SNTG2: variants seen among roughly 807,000 people sequenced by gnomAD.
SNTG2 encodes the protein syntrophin gamma 2, also known as gamma-2-syntrophin.
Under a neutral mutation model 70.9 loss-of-function variants are expected in SNTG2, and 74 were observed. The observed-to-expected ratio is 1.04, with a 90% CI of 0.86 to 1.27. The LOEUF is 1.27. Ranked by LOEUF, SNTG2 falls within the 50% of genes most tolerant of loss-of-function variation. The pLI is 0.00. For missense variants in SNTG2, 717 were observed against 690.7 expected (o/e 1.04, Z -0.43); for synonymous variants, 278 against 273.8 (o/e 1.02, Z -0.15).
At chr2:1,229,117 A>C (rs946011863) in intron 9 of SNTG2, among the ~76,000 whole-genome samples, 13 of 152,042 alleles carry the variant, frequency 8.6e-5, no homozygotes, top group African/African-American at 2.7e-4. Context: ...CAAAAGAACA[A>C]AGCTTCCACA....
intron 1 of SNTG2, among the ~76,000 whole-genome samples, chr2:1,052,057 T>TA (rs34751457): frequency 0.12 from 18,910 of 152,192 alleles, 1,353 homozygotes; most frequent in African/African-American, 0.19. Context: ...GGATTTTTTT[T>TA]ATTTATATTC....
chr2:961,270 G>A (rs558635854), intron 1 of SNTG2, among the ~76,000 whole-genome samples: 4 of 152,082 alleles, frequency 2.6e-5, no homozygotes, highest in African/African-American at 9.7e-5. Context: ...GCAGTGGCAC[G>A]ATCTTGGCTC....
chr2:1,313,494 T>C (rs1681113874), intron 15 of SNTG2, among the ~76,000 whole-genome samples: 1 of 152,250 alleles, frequency 6.6e-6, no homozygotes, highest in Non-Finnish European at 1.5e-5. Flanking sequence ...AATTGCGCTT[T>C]GGAGAAGGGC....
chr2:986,170 G>T (rs980701295), intron 1 of SNTG2, among the ~76,000 whole-genome samples: 9 of 151,748 alleles, frequency 5.9e-5, no homozygotes, highest in African/African-American at 2.2e-4. Context: ...TGCATGGGGG[G>T]CTGGGGAAGC....
Position 1,317,186 on chromosome 2 carries a change from G to A in SNTG2, c.1488+811G>A, listed in dbSNP as rs1358622289. Among the ~76,000 whole-genome samples the A allele has an allele frequency of 7.6e-5, 7 of 91,778 alleles. 1 individual carries two copies. Among genetic ancestry groups the A allele is most frequent in the Admixed American group, 5.8e-4 (5 of 8,558 alleles). The allele number at this position is 91,778 out of a possible 152,430, so 60.2% of individuals were successfully genotyped here. A position where few individuals can be genotyped will look rare whatever the true frequency, so the allele number is the denominator to read the frequency against. ...GGGATTCTGGAACATTTAGCATGAG[G>A]CCAGCATTGGAGAAGGTTGGGATTC... On this transcript the variant is annotated intron_variant, in intron 16 of 16. Transcript: ENST00000308624.
At chr2:1,098,506 T>C in intron 4 of SNTG2, 96 bp downstream of exon 4, 2 of 1,292,832 alleles carry the variant, frequency 1.5e-6, no homozygotes, top group African/African-American at 1.5e-5. Context: ...TGTGTTTTGC[T>C]CGATTACCTA....
At chr2:1,219,651 CT>C (rs1219494588) in intron 9 of SNTG2, among the ~76,000 whole-genome samples, 4 of 116,502 alleles carry the variant, frequency 3.4e-5, no homozygotes, top group Admixed American at 1.0e-4. Flanking sequence ...AATTGACTTT[CT>C]TTTTTTTTTC....
chr2:1,045,439 T>C (rs554560468), intron 1 of SNTG2, among the ~76,000 whole-genome samples: 2 of 152,236 alleles, frequency 1.3e-5, no homozygotes, highest in Admixed American at 1.3e-4. Context: ...GCTTGTTTGC[T>C]CTTTCTTTTT....
At chr2:1,366,238 T>G (rs1490281888) in intron 16 of SNTG2, among the ~76,000 whole-genome samples, 12 of 152,172 alleles carry the variant, frequency 7.9e-5, no homozygotes, top group Admixed American at 7.9e-4. Context: ...AAAGACAACA[T>G]TAGAAGAATG....
intron 4 of SNTG2, among the ~76,000 whole-genome samples, chr2:1,137,361 A>T (rs555098500): frequency 6.7e-6 from 1 of 149,524 alleles, no homozygotes; most frequent in East Asian, 2.0e-4. Flanking sequence ...ACACACAGGC[A>T]TGCACATATC....
At chr2:1,307,857 G>A (rs1680773966) in intron 14 of SNTG2, among the ~76,000 whole-genome samples, 1 of 152,250 alleles carries the variant, frequency 6.6e-6, no homozygotes, top group East Asian at 1.9e-4. Flanking sequence ...CCCAACCCGG[G>A]CTTCCCCTCA....
At chr2:1,199,410 T>C (rs1673142707) in intron 8 of SNTG2, among the ~76,000 whole-genome samples, 1 of 151,992 alleles carries the variant, frequency 6.6e-6, no homozygotes, top group African/African-American at 2.4e-5. Flanking sequence ...CCATGACTAG[T>C]ATTGTAGTGA....
intron 12 of SNTG2, among the ~76,000 whole-genome samples, chr2:1,255,521 G>C (rs28557002): frequency 0.21 from 31,711 of 152,008 alleles, 4,511 homozygotes; most frequent in African/African-American, 0.4. Flanking sequence ...TGGGAGTCAT[G>C]ATGGATACAT....
chr2:1,367,348 C>T lies in SNTG2; in HGVS notation c.1494C>T (p.Leu498=). 3 of 1,533,764 alleles carry T rather than the reference C, an allele frequency of 2.0e-6. No individual in the cohort carries two copies. The highest frequency in any genetic ancestry group is 2.6e-6 in the Non-Finnish European group (3 of 1,140,602). The part of the protein sequence containing the change: ...LDTKQIETKE[L]EFQDLRAVLH... Reference sequence around the variant, plus strand: ...GATCTGATTTTCTCCTCCAGGAACTCGAGTTCCAGGACCTGAGGGCTGTCC... The same window carrying T: ...GATCTGATTTTCTCCTCCAGGAACTTGAGTTCCAGGACCTGAGGGCTGTCC... Residue 498 remains leucine (L), a synonymous_variant, in exon 17 of 17, where the codon CTC becomes CTT. Coordinates refer to ENST00000308624, the MANE Select transcript of SNTG2 (RefSeq NM_018968.4).
chr2:1,025,658 G>A (rs950045054), intron 1 of SNTG2, among the ~76,000 whole-genome samples: 13 of 152,068 alleles, frequency 8.5e-5, no homozygotes, highest in South Asian at 2.1e-4. Flanking sequence ...GCGGTGCAGC[G>A]TCTCCAAATC....
At chr2:1,001,556 C>G (rs1264958917) in intron 1 of SNTG2, among the ~76,000 whole-genome samples, 1 of 151,554 alleles carries the variant, frequency 6.6e-6, no homozygotes, top group Non-Finnish European at 1.5e-5. Flanking sequence ...TATATTTAAC[C>G]AAGGAGGTAA....
chr2:1,031,131 A>C (rs1339622145), intron 1 of SNTG2, among the ~76,000 whole-genome samples: 2 of 152,238 alleles, frequency 1.3e-5, no homozygotes, highest in Non-Finnish European at 2.9e-5. Flanking sequence ...AAACAGTGTG[A>C]AATTTAACAT....
intron 1 of SNTG2, among the ~76,000 whole-genome samples, chr2:995,455 G>A (rs916304799): frequency 6.6e-6 from 1 of 151,978 alleles, no homozygotes; most frequent in Non-Finnish European, 1.5e-5. Flanking sequence ...AAATGTTGAT[G>A]GATTTGATTG....
chr2:1,257,134 C>A (rs540601225), intron 12 of SNTG2, among the ~76,000 whole-genome samples: 1 of 152,046 alleles, frequency 6.6e-6, no homozygotes, highest in African/African-American at 2.4e-5. Context: ...TACTGCCACA[C>A]CCATAACATC....
Sources: gnomAD v4.1 joint callset for allele counts (sites outside exome capture counted in the v4.1 genomes callset) on GRCh38, gnomAD v4.1.1 for gene constraint, MANE v1.5 for transcripts, NCBI Gene and HGNC (gene_info 2026-07-23, HGNC 2026-07-21) for gene names.